Variants in CD300E observed in about 807,000 individuals in gnomAD.
CD300E encodes the protein CD300e molecule, also known as CMRF35-like molecule 2.
Under a neutral mutation model 20.9 loss-of-function variants are expected in CD300E, and 14 were observed. The ratio of observed to expected loss-of-function variants is 0.67; its 90% CI spans 0.44 to 1.05. The LOEUF is 1.05. CD300E is among the 50% of genes least tolerant of loss of function. The pLI is 0.00. For missense variants in CD300E, 237 were observed against 253.9 expected (o/e 0.93, Z 0.45); for synonymous variants, 102 against 103.7 (o/e 0.98, Z 0.10).
At chr17:74,619,895 A>G (rs1349289682) in intron 1 of CD300E, among the ~76,000 whole-genome samples, 2 of 152,048 alleles carry the variant, frequency 1.3e-5, no homozygotes, top group South Asian at 2.1e-4. Flanking sequence ...GCTATTGGGA[A>G]CCCCAAACCT....
At position 74,611,529 on chromosome 17, in the gene CD300E, AG is replaced by A. The variant is rs2143348018; in HGVS notation, c.*1123del. 1 of 152,392 alleles carries A rather than the reference AG, an allele frequency of 6.6e-6. No individual in the cohort carries two copies. Among genetic ancestry groups the A allele is most frequent in the East Asian group, 1.9e-4 (1 of 5,194 alleles). 9.4% of individuals were successfully genotyped at this position (152,392 alleles called of 1,614,324 possible). ...AACCAACTGAGCTCATTCCCGAGCC[AG>A]GGGTCACCAGTAGTGGTGATAGCAC... On this transcript the variant is annotated 3_prime_UTR_variant, in exon 4 of 4. Coordinates refer to ENST00000392619, the MANE Select transcript of CD300E (RefSeq NM_181449.3).
intron 1 of CD300E, among the ~76,000 whole-genome samples, chr17:74,622,132 G>T (rs1238572852): frequency 6.6e-6 from 1 of 151,236 alleles, no homozygotes; most frequent in Non-Finnish European, 1.5e-5. Flanking sequence ...ATTTGAATTT[G>T]CTTCCTTCCT....
At chr17:74,616,873 C>T (rs554809) in intron 2 of CD300E, among the ~76,000 whole-genome samples, 2,658 of 152,254 alleles carry the variant, frequency 0.017, 91 homozygotes, top group African/African-American at 0.061. Flanking sequence ...GCCTCCTCCA[C>T]GCTGGATAAT....
In CD300E at chr17:74,610,584, C is replaced by G. The variant is rs552517068; in HGVS notation, c.*2069G>C. On this transcript the variant is annotated 3_prime_UTR_variant, in exon 4 of 4. Coordinates refer to ENST00000392619, the MANE Select transcript of CD300E (RefSeq NM_181449.3). The stretch of plus-strand genomic sequence containing the variant: ...CCCAGATTCTTCCTTTCAGACTTTG[C>G]TACATCTGCTAGGCAAGTCCTCCTA... The G allele has an allele frequency of 1.3e-5, 2 of 152,328 alleles. No homozygotes were observed. The highest frequency in any genetic ancestry group is 4.1e-4 in the South Asian group (2 of 4,822). 9.4% of individuals were successfully genotyped at this position (152,328 alleles called of 1,614,324 possible).
At position 74,617,204 on chromosome 17, in the gene CD300E, G is replaced by A; in HGVS notation, c.302C>T (p.Ser101Phe). 1 of 1,614,206 alleles carries A rather than the reference G, an allele frequency of 6.2e-7. No homozygotes were observed. Among genetic ancestry groups the A allele is most frequent in the Non-Finnish European group, 8.5e-7 (1 of 1,180,046 alleles). The change falls in exon 2 of 4, where the codon TCT becomes TTT. Residue 101 changes from serine (S) to phenylalanine (F), a missense_variant. Coordinates refer to ENST00000392619, the MANE Select transcript of CD300E (RefSeq NM_181449.3). The part of the protein sequence containing the change: ...MQNLNEDDAG[S>F]YWCKIQTVWV... Reference sequence around the variant, plus strand: ...CACTGTCTGAATTTTGCACCAGTAAGATCCAGCATCATCTTCATTGAGGTT... The same window carrying A: ...CACTGTCTGAATTTTGCACCAGTAAAATCCAGCATCATCTTCATTGAGGTT...
chr17:74,612,526 T>C lies in CD300E; in HGVS notation c.*127A>G. ...TGTCCTCTAAGAGCCAGGACCCTCC[T>C]TTGAGGCACAGGAACAATAAATCCC... is the stretch of plus-strand genomic sequence containing the variant. On this transcript the variant is annotated 3_prime_UTR_variant, in exon 4 of 4. Transcript: ENST00000392619. 1 of 1,357,118 alleles carries C rather than the reference T, an allele frequency of 7.4e-7. No individual in the cohort carries two copies. Among genetic ancestry groups the C allele is most frequent in the Non-Finnish European group, 1.0e-6 (1 of 1,000,642 alleles). The allele number at this position is 1,357,118 out of a possible 1,614,324, so 84.1% of individuals were successfully genotyped here.
chr17:74,610,689 C>T lies in CD300E; in HGVS notation c.*1964G>A, dbSNP rs1255093072. On this transcript the variant is annotated 3_prime_UTR_variant, in exon 4 of 4. Coordinates refer to ENST00000392619, the MANE Select transcript of CD300E (RefSeq NM_181449.3). ...TCAAAGTTTAAGTAAGAGTTGAGTC[C>T]TAAGCCTCCTGAACCTGCCACCACC... 6.6e-6 allele frequency: 1 copy of T among 152,194 alleles called. No homozygotes were observed. Among genetic ancestry groups the T allele is most frequent in the Non-Finnish European group, 1.5e-5 (1 of 68,056 alleles). The allele number at this position is 152,194 out of a possible 1,614,324, so 9.4% of individuals were successfully genotyped here. A position where few individuals can be genotyped will look rare whatever the true frequency, so the allele number is the denominator to read the frequency against.
chr17:74,618,700 A>G (rs904901845), intron 1 of CD300E, among the ~76,000 whole-genome samples: 1 of 151,920 alleles, frequency 6.6e-6, no homozygotes, highest in African/African-American at 2.4e-5. Context: ...GTGAGCTGCC[A>G]CCACGCACAC....
At chr17:74,619,670 C>T (rs2030978755) in intron 1 of CD300E, among the ~76,000 whole-genome samples, 1 of 152,102 alleles carries the variant, frequency 6.6e-6, no homozygotes, top group South Asian at 2.1e-4. Flanking sequence ...GGGAGGAAAC[C>T]ATGGGACCAT....
In CD300E at chr17:74,614,013, TCCTCCTTGG is replaced by T; in HGVS notation, c.400_408del (p.Pro134_Arg136del). The T allele has an allele frequency of 1.2e-6, 2 of 1,613,746 alleles. No individual in the cohort carries two copies. The highest frequency in any genetic ancestry group is 1.7e-6 in the Non-Finnish European group (2 of 1,179,894). ...ATGGGAGGTGTGGCTGGATGTGTGG[TCCTCCTTGG>T]GGTTGTAATTGCTGTTGGAGATGAA... On this transcript the variant is annotated inframe_deletion, in exon 3 of 4. Transcript: ENST00000392619.
intron 1 of CD300E, among the ~76,000 whole-genome samples, chr17:74,620,451 CAG>C (rs1400589765): frequency 6.6e-6 from 1 of 151,980 alleles, no homozygotes; most frequent in Non-Finnish European, 1.5e-5. Flanking sequence ...GGCTGGGCAA[CAG>C]AGAGAGACTC....
rs899226887 is a variant in CD300E, at chr17:74,617,239, C to T, written c.267G>A (p.Val89=). Residue 89 remains valine, a synonymous_variant, in exon 2 of 4, where the codon GTG becomes GTA. Coordinates refer to ENST00000392619, the MANE Select transcript of CD300E (RefSeq NM_181449.3). ...CATCTTCATTGAGGTTCTGCATGGTCACAGTGAAGGCGAGAGCCTCCGGGT... is the reference window on the plus strand; with the variant it reads ...CATCTTCATTGAGGTTCTGCATGGTTACAGTGAAGGCGAGAGCCTCCGGGT... ...RDHPEALAFT[V]TMQNLNEDDA... 10 of 1,614,100 alleles carry T rather than the reference C, an allele frequency of 6.2e-6. No individual in the cohort carries two copies. The highest frequency in any genetic ancestry group is 2.7e-5 in the African/African-American group (2 of 74,926).
chr17:74,619,101 T>C, intron 1 of CD300E: 1 of 471,222 alleles, frequency 2.1e-6, no homozygotes, highest in Non-Finnish European at 4.4e-6. Flanking sequence ...CCTCACCTCC[T>C]CCCTTCCACC....
intron 1 of CD300E, among the ~76,000 whole-genome samples, chr17:74,620,045 T>C (rs929570686): frequency 6.6e-6 from 1 of 152,238 alleles, no homozygotes; most frequent in South Asian, 2.1e-4. Flanking sequence ...GTTCTTAAAA[T>C]GTGGAAATCA....
intron 2 of CD300E, among the ~76,000 whole-genome samples, chr17:74,616,114 G>A (rs2030893889): frequency 6.6e-6 from 1 of 151,940 alleles, no homozygotes; most frequent in Admixed American, 6.6e-5. Flanking sequence ...GTGATCTATT[G>A]CAGGGGCTCA....
At chr17:74,614,585 C>T (rs1409748741) in intron 2 of CD300E, among the ~76,000 whole-genome samples, 2 of 151,394 alleles carry the variant, frequency 1.3e-5, no homozygotes, top group Middle Eastern at 3.4e-3. Context: ...CGGGTTCAAG[C>T]GATTCTCCTG....
chr17:74,619,974 A>T (rs2030986032), intron 1 of CD300E, among the ~76,000 whole-genome samples: 1 of 152,262 alleles, frequency 6.6e-6, no homozygotes, highest in South Asian at 2.1e-4. Flanking sequence ...TCTCTCCAGT[A>T]GGCAACCTTC....
rs761098998 is a variant in CD300E at position 74,617,262 on chromosome 17, G to C, written c.244C>G (p.Pro82Ala). The change falls in exon 2 of 4, where the codon CCG becomes GCG. Residue 82 changes from proline (P) to alanine (A), a missense_variant. Transcript: ENST00000392619. ...GTCACAGTGAAGGCGAGAGCCTCCG[G>C]GTGGTCTCTGATGGACACGCGGCCA... is the stretch of plus-strand genomic sequence containing the variant. ...RNGRVSIRDHPEALAFTVTMQ... is the reference protein window; with the variant it reads ...RNGRVSIRDHAEALAFTVTMQ... 6.2e-7 allele frequency: 1 copy of C among 1,614,048 alleles called. No homozygotes were observed. The highest frequency in any genetic ancestry group is 8.5e-7 in the Non-Finnish European group (1 of 1,180,038).
intron 2 of CD300E, among the ~76,000 whole-genome samples, chr17:74,615,764 A>G (rs936069306): frequency 6.6e-6 from 1 of 152,150 alleles, no homozygotes; most frequent in Non-Finnish European, 1.5e-5. Context: ...AGGAAATGGA[A>G]TATGGGAGTT....
Sources: gnomAD v4.1 joint callset for allele counts (sites outside exome capture counted in the v4.1 genomes callset) on GRCh38, gnomAD v4.1.1 for gene constraint, MANE v1.5 for transcripts, NCBI Gene and HGNC (gene_info 2026-07-23, HGNC 2026-07-21) for gene names.